Variants in ARMC9 observed in about 807,000 individuals in gnomAD.
The protein encoded by ARMC9 is armadillo repeat containing 9, also known as lisH domain-containing protein ARMC9.
In ARMC9, 94 loss-of-function variants were observed where a neutral mutation model predicts 107.0. That is an observed-to-expected ratio of 0.88 (90% CI 0.74 to 1.04). The LOEUF (loss-of-function observed/expected upper bound fraction) is 1.04, where lower values mean the gene tolerates loss of function less well. Ranked by LOEUF, ARMC9 falls within the 50% of genes least tolerant of loss-of-function variation. ARMC9 has a pLI of 0.00. For missense variants in ARMC9, 942 were observed against 1,030.1 expected (o/e 0.91, Z 1.17); for synonymous variants, 380 against 396.9 (o/e 0.96, Z 0.51).
chr2:231,272,980 A>G lies in ARMC9; in HGVS notation c.1236A>G (p.Thr412=), dbSNP rs144180870. ...GTCGCCTCTACCTTGCCCAGAACAC[A>G]AAGGTGCTGCAGATGCTGGAGGGAA... ...AEGRLYLAQN[T]KVLQMLEGRL... Residue 412 remains threonine, a synonymous_variant, in exon 14 of 25, where the codon ACA becomes ACG. Transcript: ENST00000611582. The G allele has an allele frequency of 4.0e-4, 652 of 1,613,944 alleles. 3 individuals carry two copies. In the African/African-American group the frequency reaches 8.0e-3, roughly 20 times the overall value.
intron 21 of ARMC9, among the ~76,000 whole-genome samples, chr2:231,351,999 G>T (rs116225144): frequency 3.3e-5 from 5 of 152,078 alleles, no homozygotes; most frequent in East Asian, 1.9e-4. Context: ...ACAGCATCTC[G>T]CTCTGTCACC....
chr2:231,338,172 G>A (rs1052808773), intron 20 of ARMC9, among the ~76,000 whole-genome samples: 10 of 152,074 alleles, frequency 6.6e-5, no homozygotes, highest in East Asian at 1.9e-4. Context: ...GTATCAAAGC[G>A]AGTGCTTCTG....
chr2:231,263,950 C>G (rs951760983), intron 12 of ARMC9, among the ~76,000 whole-genome samples: 2 of 152,128 alleles, frequency 1.3e-5, no homozygotes, highest in Admixed American at 1.3e-4. Context: ...CTTTTTCCCC[C>G]CATTTTAACA....
intron 22 of ARMC9, among the ~76,000 whole-genome samples, chr2:231,359,444 A>C (rs1280529098): frequency 6.6e-6 from 1 of 151,966 alleles, no homozygotes; most frequent in Non-Finnish European, 1.5e-5. Context: ...TGCTGGAGGA[A>C]GTAGGAGAGG....
chr2:231,333,053 C>T (rs912756787), intron 20 of ARMC9, among the ~76,000 whole-genome samples: 5 of 152,142 alleles, frequency 3.3e-5, no homozygotes, highest in Non-Finnish European at 5.9e-5. Context: ...TGCCAGGTCC[C>T]GTTGCCACCC....
In ARMC9 at chr2:231,360,742, C is replaced by G; in HGVS notation, c.2132-12C>G. On this transcript the variant is annotated splice_polypyrimidine_tract_variant and intron_variant, in intron 22 of 24. Coordinates refer to ENST00000611582, the MANE Select transcript of ARMC9 (RefSeq NM_001352754.2). This position sits in a 1 kb window ranked among gnomAD's most constrained non-coding sequence, Gnocchi z 4.7. ...AGCAGATGTGGACTGAACTTTCTCT[C>G]CTCCTCCCCAGCAGCCATCATCGCC... 6.5e-7 allele frequency: 1 copy of G among 1,536,162 alleles called. No homozygotes were observed. Among genetic ancestry groups the G allele is most frequent in the Non-Finnish European group, 8.7e-7 (1 of 1,146,906 alleles).
At chr2:231,289,069 T>A (rs1022191548) in intron 17 of ARMC9, among the ~76,000 whole-genome samples, 3 of 152,236 alleles carry the variant, frequency 2.0e-5, no homozygotes, top group Non-Finnish European at 4.4e-5. Context: ...ACCTAAATTA[T>A]CTGAAATGAC....
chr2:231,327,032 C>T (rs1425416523), intron 19 of ARMC9, among the ~76,000 whole-genome samples: 4 of 152,134 alleles, frequency 2.6e-5, no homozygotes, highest in East Asian at 1.9e-4. Flanking sequence ...CTCCAGGGCC[C>T]CTCCTTCCCA....
chr2:231,291,470 C>T, intron 18 of ARMC9, 27 bp downstream of exon 18: 1 of 1,595,534 alleles, frequency 6.3e-7, no homozygotes, highest in Non-Finnish European at 8.6e-7. Context: ...AATCTTTGAT[C>T]TATCTTTTGA....
rs546086091 is a variant in ARMC9, at chr2:231,238,212, AAAG to A, written c.781-1719_781-1717del. Reference sequence around the variant, plus strand: ...TTGATAGATAAGGATCTAGGGTGAAAAAGAAGAAGAAGAAAATCTAGGGTAGAA... The same window carrying A: ...TTGATAGATAAGGATCTAGGGTGAAAAAGAAGAAGAAAATCTAGGGTAGAA... On this transcript the variant is annotated intron_variant, in intron 8 of 24. Coordinates refer to ENST00000611582, the MANE Select transcript of ARMC9 (RefSeq NM_001352754.2). Among the ~76,000 whole-genome samples the A allele has an allele frequency of 2.1e-3, 319 of 152,282 alleles. 1 individual carries two copies. Among genetic ancestry groups the A allele is most frequent in the African/African-American group, 6.8e-3 (281 of 41,564 alleles).
At chr2:231,211,473 A>G (rs2032856286) in intron 3 of ARMC9, among the ~76,000 whole-genome samples, 1 of 152,046 alleles carries the variant, frequency 6.6e-6, no homozygotes, top group African/African-American at 2.4e-5. Flanking sequence ...CAGAGGTTGC[A>G]GTGAGCCAAG....
rs1051630389 is a variant in ARMC9 at position 231,373,102 on chromosome 2, C to G, written c.*1567C>G. 6.6e-6 allele frequency: 1 copy of G among 152,274 alleles called. No homozygotes were observed. The highest frequency in any genetic ancestry group is 1.5e-5 in the Non-Finnish European group (1 of 68,078). 9.4% of individuals were successfully genotyped at this position (152,274 alleles called of 1,614,324 possible). On this transcript the variant is annotated 3_prime_UTR_variant, in exon 25 of 25. Transcript: ENST00000611582. The surrounding 1 kb of genome is among the most constrained non-coding windows in gnomAD (Gnocchi z 4.4). ...TCTCTGGAAATGTGTCCACTCTGTGCTCAGGGAAGAAGGCTGCCGTCCTGA... is the reference window on the plus strand; with the variant it reads ...TCTCTGGAAATGTGTCCACTCTGTGGTCAGGGAAGAAGGCTGCCGTCCTGA...
chr2:231,204,310 G>A lies in ARMC9; in HGVS notation c.-41-1888G>A, dbSNP rs72983655. Among the ~76,000 whole-genome samples the A allele has an allele frequency of 3.7e-3, 566 of 151,712 alleles. 2 individuals are homozygous for A. Among genetic ancestry groups the A allele is most frequent in the Non-Finnish European group, 6.7e-3 (457 of 67,888 alleles). ...TGTAAGGCCCACCTGACCTGGCCCC[G>A]GCCCCCCATTGCCTGCTGCTGTCTG... On this transcript the variant is annotated intron_variant, in intron 1 of 24. Transcript: ENST00000611582.
intron 19 of ARMC9, among the ~76,000 whole-genome samples, chr2:231,324,283 A>G (rs1410137578): frequency 2.0e-5 from 3 of 150,962 alleles, no homozygotes; most frequent in South Asian, 2.1e-4. Flanking sequence ...ACACGCCACC[A>G]CGCCCAGCTA....
chr2:231,284,923 G>A lies in ARMC9; in HGVS notation c.1626+2790G>A, dbSNP rs2040475220. Among the ~76,000 whole-genome samples the A allele has an allele frequency of 2.0e-5, 3 of 152,356 alleles. No individual in the cohort carries two copies. In the South Asian group the frequency reaches 6.2e-4, roughly 32 times the overall value. On this transcript the variant is annotated intron_variant, in intron 17 of 24. Coordinates refer to ENST00000611582, the MANE Select transcript of ARMC9 (RefSeq NM_001352754.2). ...CTTTTTAAATTATGGTAGTTAGCCA[G>A]AAGCGGTGGCTCACGCCTGTAATCT...
intron 19 of ARMC9, among the ~76,000 whole-genome samples, chr2:231,305,934 A>G (rs921793865): frequency 6.6e-6 from 1 of 152,242 alleles, no homozygotes. Context: ...TCTTGTTTAA[A>G]TAGTCAAATT....
chr2:231,203,925 A>G (rs1195491420), intron 1 of ARMC9, among the ~76,000 whole-genome samples: 1 of 151,886 alleles, frequency 6.6e-6, no homozygotes, highest in African/African-American at 2.4e-5. Flanking sequence ...GTGCCATTCT[A>G]CTCCAGCCCA....
chr2:231,321,969 GA>G (rs1173396990), intron 19 of ARMC9, among the ~76,000 whole-genome samples: 6 of 152,220 alleles, frequency 3.9e-5, no homozygotes, highest in Admixed American at 3.3e-4. Flanking sequence ...TTAGAGTACA[GA>G]AAAAGTTTAA....
intron 19 of ARMC9, among the ~76,000 whole-genome samples, chr2:231,317,908 C>A (rs2042792891): frequency 6.6e-6 from 1 of 151,926 alleles, no homozygotes; most frequent in African/African-American, 2.4e-5. Flanking sequence ...TTTTTTAAAA[C>A]TTCTGAGCAC....
Sources: allele counts gnomAD v4.1 joint callset (sites outside exome capture counted in the v4.1 genomes callset), GRCh38; gene constraint gnomAD v4.1.1; non-coding constraint Gnocchi (gnomAD v3.1); transcripts MANE v1.5; gene names NCBI Gene and HGNC (gene_info 2026-07-23, HGNC 2026-07-21).